The following DOK6 variants were observed in gnomAD, a reference collection of about 807,000 sequenced individuals.
The protein encoded by DOK6 is docking protein 6, also known as downstream of tyrosine kinase 6.
Under a neutral mutation model 44.0 loss-of-function variants are expected in DOK6, and 22 were observed. That is an observed-to-expected ratio of 0.50 (90% CI 0.36 to 0.71). The LOEUF is 0.71. Among genes scored for constraint, DOK6 ranks in the 30% least tolerant of loss-of-function variants. The pLI, the probability that DOK6 is intolerant of heterozygous loss-of-function variation, is 0.00. For synonymous variants in DOK6, 166 were observed against 145.5 expected, an observed-to-expected ratio of 1.14 and a Z score of -1.01; for missense variants, 340 against 416.4, an observed-to-expected ratio of 0.82 and a Z score of 1.60.
At chr18:69,644,995 G>A (rs1599238435) in intron 3 of DOK6, among the ~76,000 whole-genome samples, 2 of 152,278 alleles carry the variant, frequency 1.3e-5, no homozygotes, top group Admixed American at 1.3e-4. Context: ...GATTCATAGG[G>A]AAATTTCAAA....
chr18:69,594,770 C>A (rs934677190), intron 2 of DOK6, among the ~76,000 whole-genome samples: 1 of 151,694 alleles, frequency 6.6e-6, no homozygotes. Context: ...AGGAGGATCA[C>A]TTGACATCAG....
intron 1 of DOK6, among the ~76,000 whole-genome samples, chr18:69,456,190 T>C (rs908055058): frequency 4.6e-5 from 7 of 152,172 alleles, no homozygotes; most frequent in African/African-American, 1.7e-4. Context: ...AGCCTTTTTT[T>C]CCTAAATTTC....
At chr18:69,509,591 TC>T (rs1167115670) in intron 1 of DOK6, among the ~76,000 whole-genome samples, 1 of 134,670 alleles carries the variant, frequency 7.4e-6, no homozygotes, top group East Asian at 2.3e-4. Flanking sequence ...TGAGCCGAGA[TC>T]GCGCCGCTGC....
At chr18:69,780,161 G>A (rs1180570927) in intron 7 of DOK6, among the ~76,000 whole-genome samples, 2 of 151,932 alleles carry the variant, frequency 1.3e-5, no homozygotes, top group African/African-American at 2.4e-5. Context: ...AGATAATTTC[G>A]GATTTTTCTT....
chr18:69,639,415 C>G (rs1189943202), intron 3 of DOK6, among the ~76,000 whole-genome samples: 1 of 152,154 alleles, frequency 6.6e-6, no homozygotes, highest in East Asian at 1.9e-4. Flanking sequence ...AGGACTCGGC[C>G]GATGAGGAAG....
In DOK6 at chr18:69,452,525, A is replaced by C. The variant is rs1371617841; in HGVS notation, c.66+51215A>C. 7.8e-3 allele frequency among the ~76,000 whole-genome samples: 1,044 copies of C among 134,498 alleles called. 22 individuals are homozygous for C. The highest frequency in any genetic ancestry group is 0.029 in the African/African-American group (1,011 of 34,626). The allele number at this position is 134,498 out of a possible 152,430, so 88.2% of individuals were successfully genotyped here. A position where few individuals can be genotyped will look rare whatever the true frequency, so the allele number is the denominator to read the frequency against. The stretch of plus-strand genomic sequence containing the variant: ...CATTCCTTCTGAAACTATTCCAATC[A>C]ATAGAAAAAGAGGGAATCCTCCCTA... On this transcript the variant is annotated intron_variant, in intron 1 of 7. Transcript: ENST00000382713.
intron 5 of DOK6, among the ~76,000 whole-genome samples, chr18:69,721,918 T>C (rs1308962198): frequency 6.6e-6 from 1 of 152,230 alleles, no homozygotes; most frequent in Non-Finnish European, 1.5e-5. Context: ...GAATATACCA[T>C]ATAAAACCTG....
chr18:69,468,455 A>AT (rs1979990893), intron 1 of DOK6, among the ~76,000 whole-genome samples: 2 of 152,230 alleles, frequency 1.3e-5, no homozygotes, highest in African/African-American at 4.8e-5. Context: ...GCTCAATGCA[A>AT]TAACACACAC....
In DOK6 at chr18:69,698,392, G is replaced by T. The variant is rs143370149; in HGVS notation, c.410-12G>T. On this transcript the variant is annotated splice_polypyrimidine_tract_variant and intron_variant, in intron 4 of 7. Transcript: ENST00000382713. ...TTTCACTTAACCTTCTCCATTCTTCGTCTCTTCACAGAGAGATTCAACGTG... is the reference window on the plus strand; with the variant it reads ...TTTCACTTAACCTTCTCCATTCTTCTTCTCTTCACAGAGAGATTCAACGTG... 5.0e-6 allele frequency: 8 copies of T among 1,596,630 alleles called. No individual in the cohort carries two copies. In the East Asian group the frequency reaches 1.1e-4, roughly 22 times the overall value.
At chr18:69,603,725 C>T (rs1197755499) in intron 3 of DOK6, among the ~76,000 whole-genome samples, 2 of 132,852 alleles carry the variant, frequency 1.5e-5, no homozygotes, top group East Asian at 2.2e-4. Context: ...GAGCCGAGAT[C>T]GCGCCACTGC....
intron 5 of DOK6, among the ~76,000 whole-genome samples, chr18:69,702,105 C>A (rs1366107603): frequency 1.3e-5 from 2 of 150,290 alleles, no homozygotes; most frequent in East Asian, 3.9e-4. Context: ...TCTGTACTAA[C>A]CCAGAGTTAT....
intron 1 of DOK6, among the ~76,000 whole-genome samples, chr18:69,548,280 G>T (rs1982465370): frequency 6.6e-6 from 1 of 151,506 alleles, no homozygotes; most frequent in East Asian, 1.9e-4. Flanking sequence ...TAATCCAGTT[G>T]TCCATTGACG....
At chr18:69,718,567 C>T (rs1173517636) in intron 5 of DOK6, among the ~76,000 whole-genome samples, 1 of 152,094 alleles carries the variant, frequency 6.6e-6, no homozygotes, top group African/African-American at 2.4e-5. Flanking sequence ...TGTTTCTCTA[C>T]CATTATGAGG....
chr18:69,752,892 A>T (rs1247575355), intron 6 of DOK6, among the ~76,000 whole-genome samples: 2 of 152,154 alleles, frequency 1.3e-5, no homozygotes, highest in African/African-American at 2.4e-5. Flanking sequence ...GATCTGAGTT[A>T]GCAACTCCCC....
chr18:69,827,047 G>T (rs968423560), intron 7 of DOK6, among the ~76,000 whole-genome samples: 6 of 152,084 alleles, frequency 3.9e-5, no homozygotes, highest in South Asian at 4.1e-4. Flanking sequence ...GTTTGATCTA[G>T]GGATAAATTG....
At chr18:69,623,683 C>T (rs1344831638) in intron 3 of DOK6, among the ~76,000 whole-genome samples, 1 of 152,148 alleles carries the variant, frequency 6.6e-6, no homozygotes, top group East Asian at 1.9e-4. Flanking sequence ...TTATTGAATG[C>T]TACTGTGCTT....
At chr18:69,718,399 A>T (rs1986931306) in intron 5 of DOK6, among the ~76,000 whole-genome samples, 1 of 152,200 alleles carries the variant, frequency 6.6e-6, no homozygotes, top group African/African-American at 2.4e-5. Flanking sequence ...GGAAACATAC[A>T]GTTTCCATGC....
chr18:69,735,538 C>T (rs1978576699), intron 5 of DOK6, among the ~76,000 whole-genome samples: 1 of 152,254 alleles, frequency 6.6e-6, no homozygotes, highest in Admixed American at 6.5e-5. Context: ...ACCCTTAATT[C>T]TCCCAGCAAT....
chr18:69,778,819 A>C (rs1056975433), intron 7 of DOK6, among the ~76,000 whole-genome samples: 26 of 152,168 alleles, frequency 1.7e-4, no homozygotes, highest in African/African-American at 6.0e-4. Flanking sequence ...AAGGATTGTG[A>C]CTGCTAACTT....
Sources: gnomAD v4.1 joint callset for allele counts (sites outside exome capture counted in the v4.1 genomes callset) on GRCh38, gnomAD v4.1.1 for gene constraint, MANE v1.5 for transcripts, NCBI Gene and HGNC (gene_info 2026-07-23, HGNC 2026-07-21) for gene names.